The following DDAH1 variants were observed in gnomAD, a reference collection of about 807,000 sequenced individuals.
DDAH1 encodes the protein dimethylarginine dimethylaminohydrolase 1, also known as N(G),N(G)-dimethylarginine dimethylaminohydrolase 1.
DDAH1 carries 19 observed loss-of-function variants against 28.8 expected under a neutral mutation model. The ratio of observed to expected loss-of-function variants is 0.66; its 90% confidence interval spans 0.46 to 0.97. The LOEUF is 0.97. Among genes scored for constraint, DDAH1 ranks in the 50% least tolerant of loss-of-function variants. DDAH1 has a pLI of 0.00. For synonymous variants in DDAH1, 153 were observed against 154.4 expected, an observed-to-expected ratio of 0.99 and a Z score of 0.07; for missense variants, 326 against 375.9, an observed-to-expected ratio of 0.87 and a Z score of 1.10.
rs1049811215 is a variant in DDAH1 at position 85,416,620 on chromosome 1, G to T, written c.303+48123C>A. Among the ~76,000 whole-genome samples the T allele has an allele frequency of 1.1e-4, 16 of 152,172 alleles. 1 individual carries two copies. The highest frequency in any genetic ancestry group is 3.2e-3 in the Middle Eastern group (1 of 316). On this transcript the variant is annotated intron_variant, in intron 1 of 5. Coordinates refer to ENST00000284031, the MANE Select transcript of DDAH1 (RefSeq NM_012137.4). ...TCTGGAAAAGAAAGAATTTAGAATAGTGTGGTCAGACCTGGAGTGGATCAG... is the reference window on the plus strand; with the variant it reads ...TCTGGAAAAGAAAGAATTTAGAATATTGTGGTCAGACCTGGAGTGGATCAG...
chr1:85,357,678 C>A (rs1649560944), intron 2 of DDAH1, among the ~76,000 whole-genome samples: 1 of 152,146 alleles, frequency 6.6e-6, no homozygotes, highest in South Asian at 2.1e-4. Flanking sequence ...CCTTTGCTGT[C>A]AGGGCTACAT....
intron 4 of DDAH1, among the ~76,000 whole-genome samples, chr1:85,348,830 TATTGA>T: frequency 6.6e-6 from 1 of 152,242 alleles, no homozygotes; most frequent in African/African-American, 2.4e-5. Context: ...GTTACAGACC[TATTGA>T]GGTAGGGACC....
intron 1 of DDAH1, among the ~76,000 whole-genome samples, chr1:85,507,433 G>GT: frequency 6.6e-6 from 1 of 152,076 alleles, no homozygotes; most frequent in East Asian, 1.9e-4. Context: ...AGCCCAGGAG[G>GT]TTGAGGCTGG....
At chr1:85,395,532 C>T (rs185114161) in intron 1 of DDAH1, among the ~76,000 whole-genome samples, 36 of 151,970 alleles carry the variant, frequency 2.4e-4, no homozygotes, top group Non-Finnish European at 4.1e-4. Context: ...ATCAGCTGGG[C>T]GTGGTGGTGC....
chr1:85,458,241 A>T (rs1654983835), intron 1 of DDAH1, among the ~76,000 whole-genome samples: 2 of 152,116 alleles, frequency 1.3e-5, no homozygotes, highest in African/African-American at 4.8e-5. Flanking sequence ...TTTCATGCTG[A>T]TTCCTCTTGT....
exon 2 of DDAH1, chr1:85,496,213 A>G (rs1398448053): frequency 2.0e-6 from 2 of 985,184 alleles, no homozygotes; most frequent in Non-Finnish European, 1.2e-6. Flanking sequence ...CTTGCTTTGT[A>G]TTTTGAAGCA....
At chr1:85,502,642 A>G (rs1656860877) in intron 1 of DDAH1, among the ~76,000 whole-genome samples, 1 of 152,146 alleles carries the variant, frequency 6.6e-6, no homozygotes, top group African/African-American at 2.4e-5. Context: ...CATCACCACC[A>G]CTGCTGCTTC....
At chr1:85,466,686 C>A (rs1268037856), upstream of DDAH1, among the ~76,000 whole-genome samples, 2 of 152,136 alleles carry the variant, frequency 1.3e-5, no homozygotes, top group Non-Finnish European at 2.9e-5. Context: ...GCCCCATTAG[C>A]CCCAGTTTAG....
chr1:85,404,502 G>A (rs1652311506), intron 1 of DDAH1: 8 of 1,471,294 alleles, frequency 5.4e-6, no homozygotes, highest in South Asian at 2.8e-5. Context: ...AGTCTGACCC[G>A]GATTGAGCCA....
chr1:85,502,766 G>T (rs1240983648), intron 1 of DDAH1, among the ~76,000 whole-genome samples: 1 of 152,208 alleles, frequency 6.6e-6, no homozygotes, highest in Non-Finnish European at 1.5e-5. Flanking sequence ...GCATTAAAGA[G>T]TCCTCTTTTG....
chr1:85,544,496 T>C (rs771219825), intron 1 of DDAH1, among the ~76,000 whole-genome samples: 7 of 152,190 alleles, frequency 4.6e-5, no homozygotes, highest in Non-Finnish European at 1.0e-4. Context: ...CTGGGAAGAA[T>C]GCCTGCCAGT....
intron 1 of DDAH1, among the ~76,000 whole-genome samples, chr1:85,503,421 G>A (rs1275426643): frequency 1.3e-5 from 2 of 152,076 alleles, no homozygotes; most frequent in East Asian, 1.9e-4. Flanking sequence ...GGCTGGTCTC[G>A]AACTCCTGAC....
chr1:85,329,856 T>C (rs1324671682), intron 4 of DDAH1, among the ~76,000 whole-genome samples: 1 of 152,210 alleles, frequency 6.6e-6, no homozygotes, highest in Non-Finnish European at 1.5e-5. Flanking sequence ...ACAAAAGTTA[T>C]GTCAGGTGTA....
intron 1 of DDAH1, among the ~76,000 whole-genome samples, chr1:85,565,327 T>C (rs1426678118): frequency 2.0e-5 from 3 of 152,168 alleles, no homozygotes; most frequent in Non-Finnish European, 2.9e-5. Flanking sequence ...AGAAGTCCAA[T>C]ATCCAGTAAA....
intron 2 of DDAH1, among the ~76,000 whole-genome samples, chr1:85,357,057 A>G (rs1266746568): frequency 1.3e-5 from 2 of 152,354 alleles, no homozygotes; most frequent in East Asian, 1.9e-4. Flanking sequence ...ACTTTTCACA[A>G]AAGCCTATTT....
intron 1 of DDAH1, among the ~76,000 whole-genome samples, chr1:85,450,222 C>T (rs1366567451): frequency 6.6e-6 from 1 of 152,172 alleles, no homozygotes; most frequent in African/African-American, 2.4e-5. Context: ...TGAGGGCAGG[C>T]ATCATATTTG....
At chr1:85,395,513 A>C (rs908933375) in intron 1 of DDAH1, among the ~76,000 whole-genome samples, 2 of 152,108 alleles carry the variant, frequency 1.3e-5, no homozygotes, top group East Asian at 1.9e-4. Flanking sequence ...TCTCTACTAA[A>C]AATACAAAAT....
At chr1:85,440,792 A>C (rs1371371293) in intron 1 of DDAH1, among the ~76,000 whole-genome samples, 1 of 145,762 alleles carries the variant, frequency 6.9e-6, no homozygotes, top group Non-Finnish European at 1.5e-5. Context: ...TCTCTGTCAA[A>C]AGTCTGGGCA....
At chr1:85,375,792 A>C (rs932395373) in intron 1 of DDAH1, among the ~76,000 whole-genome samples, 2 of 152,180 alleles carry the variant, frequency 1.3e-5, no homozygotes, top group Non-Finnish European at 2.9e-5. Flanking sequence ...TGGAAAAAGA[A>C]ACTCAAACTC....
Sources: gnomAD v4.1 joint callset for allele counts (sites outside exome capture counted in the v4.1 genomes callset) on GRCh38, gnomAD v4.1.1 for gene constraint, MANE v1.5 for transcripts, NCBI Gene and HGNC (gene_info 2026-07-23, HGNC 2026-07-21) for gene names.